LGALS16: variants seen among roughly 807,000 people sequenced by gnomAD.
LGALS16 encodes the protein galectin 16, also known as galectin-16.
Under a neutral mutation model 13.2 loss-of-function variants are expected in LGALS16, and 15 were observed. The observed-to-expected ratio is 1.13, with a 90% CI of 0.76 to 1.75. LGALS16 has a LOEUF of 1.75. LGALS16 is among the 40% of genes most tolerant of loss of function. The probability of loss-of-function intolerance (pLI) is 0.00; values close to 1 mark genes in which losing one functional copy is unlikely to be tolerated. For synonymous variants in LGALS16, 66 were observed against 65.4 expected, an observed-to-expected ratio of 1.01 and a Z score of -0.05; for missense variants, 198 against 178.4, an observed-to-expected ratio of 1.11 and a Z score of -0.63.
intron 3 of LGALS16, among the ~76,000 whole-genome samples, chr19:39,659,102 C>CTTTT (rs74178093): frequency 7.1e-6 from 1 of 140,804 alleles, no homozygotes; most frequent in Non-Finnish European, 1.5e-5. Context: ...AATCCTTTTT[C>CTTTT]TTTTTTTTTT....
intron 3 of LGALS16, among the ~76,000 whole-genome samples, chr19:39,659,093 A>T (rs1973231103): frequency 7.0e-6 from 1 of 143,392 alleles, no homozygotes. Flanking sequence ...TTCAGAGAGA[A>T]TCCTTTTTCT....
At chr19:39,659,661 G>A (rs1373737646) in intron 3 of LGALS16, among the ~76,000 whole-genome samples, 2 of 152,028 alleles carry the variant, frequency 1.3e-5, no homozygotes, top group African/African-American at 4.8e-5. Flanking sequence ...CTTACATTGC[G>A]ATATAATTAC....
rs773245237 is a variant in LGALS16 at position 39,658,460 on chromosome 19, C to T, written c.93C>T (p.Ile31=). Residue 31 remains isoleucine (I), a splice_region_variant and synonymous_variant, in exon 3 of 4, where the codon ATC becomes ATT. Coordinates refer to ENST00000392051, the MANE Select transcript of LGALS16 (RefSeq NM_001190441.3). ...IIKGTLIDSS[I]NEPQLQVDFY... ...AATATGCTGTGTGCTTTGCCCTCAG[C>T]AACGAACCACAGCTGCAGGTGGATT... 31 of 1,593,510 alleles carry T rather than the reference C, an allele frequency of 1.9e-5. No individual in the cohort carries two copies. Among genetic ancestry groups the T allele is most frequent in the Non-Finnish European group, 2.6e-5 (31 of 1,172,972 alleles).
chr19:39,657,073 G>A (rs868552673), intron 1 of LGALS16, among the ~76,000 whole-genome samples: 1 of 151,904 alleles, frequency 6.6e-6, no homozygotes, highest in Non-Finnish European at 1.5e-5. Context: ...GGCCAGTCTG[G>A]GTATCATAGT....
chr19:39,660,279 C>A, intron 3 of LGALS16, 116 bp from the exon 4 acceptor site: 1 of 987,690 alleles, frequency 1.0e-6, no homozygotes, highest in Non-Finnish European at 1.5e-6. Flanking sequence ...ACAACATTCG[C>A]TTGTATAACT....
rs755203001 is a variant in LGALS16 at position 39,660,423 on chromosome 19, C to T, written c.332C>T (p.Ala111Val). ...EVKVNGEYIY[A>V]FVHRIPPSYV... is the part of the protein sequence containing the mutation. ...AAGGTAAATGGTGAATACATTTATGCCTTTGTCCATCGAATCCCGCCATCA... is the reference window on the plus strand; with the variant it reads ...AAGGTAAATGGTGAATACATTTATGTCTTTGTCCATCGAATCCCGCCATCA... The change falls in exon 4 of 4, where the codon GCC (alanine) becomes GTC (valine). Residue 111 changes from alanine to valine, a missense_variant. Physicochemically the swap from Ala to Val is moderately conservative, Grantham distance 64. Transcript: ENST00000392051. 4.5e-6 allele frequency: 7 copies of T among 1,540,646 alleles called. No individual in the cohort carries two copies. The highest frequency in any genetic ancestry group is 2.4e-5 in the East Asian group (1 of 41,150).
At chr19:39,656,470 C>T (rs748850103) in intron 1 of LGALS16, among the ~76,000 whole-genome samples, 6 of 152,232 alleles carry the variant, frequency 3.9e-5, no homozygotes, top group African/African-American at 1.2e-4. Flanking sequence ...AGGGAAAACA[C>T]GCATGTGGCC....
chr19:39,659,778 T>C (rs527812766), intron 3 of LGALS16, among the ~76,000 whole-genome samples: 1 of 152,366 alleles, frequency 6.6e-6, no homozygotes, highest in Admixed American at 6.5e-5. Flanking sequence ...ACATCCATAC[T>C]TTCTTACTTT....
chr19:39,658,678 C>T lies in LGALS16; in HGVS notation c.303+8C>T. The stretch of plus-strand genomic sequence containing the variant: ...TGTCACAATGAGTATGAGGTGAGCA[C>T]CCCAGGAGCTCGCAGTACCCAGGCT... On this transcript the variant is annotated splice_region_variant and intron_variant, in intron 3 of 3. Coordinates refer to ENST00000392051, the MANE Select transcript of LGALS16 (RefSeq NM_001190441.3). 6.5e-7 allele frequency: 1 copy of T among 1,543,752 alleles called. No homozygotes were observed. The highest frequency in any genetic ancestry group is 1.2e-5 in the South Asian group (1 of 85,836).
intron 2 of LGALS16, 33 bp from the exon 3 acceptor site, chr19:39,658,427 A>T: frequency 6.5e-7 from 1 of 1,533,668 alleles, no homozygotes. Context: ...CAATGAAGGA[A>T]CCTGTCCAAT....
rs775437446 is a variant in LGALS16, at chr19:39,657,809, C to G, written c.16-74C>G. On this transcript the variant is annotated intron_variant, in intron 1 of 3. Coordinates refer to ENST00000392051, the MANE Select transcript of LGALS16 (RefSeq NM_001190441.3). ...GCCCTGTGATCTCTAACCTCCTGCACCATGGGAATATGTTACAGGAAGGGA... is the reference window on the plus strand; with the variant it reads ...GCCCTGTGATCTCTAACCTCCTGCAGCATGGGAATATGTTACAGGAAGGGA... The G allele has an allele frequency of 5.3e-6, 8 of 1,519,754 alleles. No individual in the cohort carries two copies. The Admixed American group carries it at 1.2e-4, about 22-fold the overall frequency. 94.1% of individuals were successfully genotyped at this position (1,519,754 alleles called of 1,614,324 possible).
Position 39,655,915 on chromosome 19 carries a change from T to A in LGALS16, c.-47T>A, listed in dbSNP as rs1401885172. On this transcript the variant is annotated 5_prime_UTR_variant, in exon 1 of 4. Coordinates refer to ENST00000392051, the MANE Select transcript of LGALS16 (RefSeq NM_001190441.3). ...TAAGTGCTGCAACTCAGAGATTCAC[T>A]CAGAAGACTGGACACAATTCCGAAG... is the stretch of plus-strand genomic sequence containing the variant. 2.5e-6 allele frequency: 4 copies of A among 1,610,098 alleles called. No individual in the cohort carries two copies. In the African/African-American group the frequency reaches 5.3e-5, roughly 22 times the overall value.
intron 1 of LGALS16, 66 bp downstream of exon 1, chr19:39,656,042 T>C: frequency 6.5e-7 from 1 of 1,530,974 alleles, no homozygotes; most frequent in Non-Finnish European, 9.0e-7. Flanking sequence ...ATGTGGGGTA[T>C]TTTATGAGAT....
chr19:39,657,805 T>A (rs189130937), intron 1 of LGALS16, 78 bp from the exon 2 acceptor site: 790 of 1,523,038 alleles, frequency 5.2e-4, no homozygotes, highest in Non-Finnish European at 6.7e-4. Context: ...TCTAACCTCC[T>A]GCACCATGGG....
At chr19:39,656,793 C>G (rs1394145158) in intron 1 of LGALS16, among the ~76,000 whole-genome samples, 2 of 152,006 alleles carry the variant, frequency 1.3e-5, no homozygotes, top group East Asian at 3.9e-4. Context: ...CTATCCTGTC[C>G]TTTTCATTGT....
At chr19:39,658,855 A>G (rs1335606631) in intron 3 of LGALS16, among the ~76,000 whole-genome samples, 185 bp downstream of exon 3, 1 of 152,122 alleles carries the variant, frequency 6.6e-6, no homozygotes, top group African/African-American at 2.4e-5. Context: ...AAATCTGACC[A>G]AGGTCAAGGT....
Position 39,660,524 on chromosome 19 carries a change from C to T in LGALS16, c.*4C>T, listed in dbSNP as rs1240457890. 6.5e-7 allele frequency: 1 copy of T among 1,549,908 alleles called. No homozygotes were observed. The highest frequency in any genetic ancestry group is 2.4e-5 in the East Asian group (1 of 42,344). On this transcript the variant is annotated 3_prime_UTR_variant, in exon 4 of 4. Coordinates refer to ENST00000392051, the MANE Select transcript of LGALS16 (RefSeq NM_001190441.3). ...TGTCAACAATGGACGGAGATGATCA[C>T]ACTCCTCATTGTTGAGGAAACCCTC...
chr19:39,656,909 TCCTC>T (rs1202557410), intron 1 of LGALS16, among the ~76,000 whole-genome samples: 6 of 151,846 alleles, frequency 4.0e-5, no homozygotes, highest in Non-Finnish European at 5.9e-5. Flanking sequence ...CTAAACTTGT[TCCTC>T]CACCCATGAA....
intron 3 of LGALS16, among the ~76,000 whole-genome samples, chr19:39,660,158 A>G (rs1973243224): frequency 6.6e-6 from 1 of 152,204 alleles, no homozygotes; most frequent in Admixed American, 6.5e-5. Context: ...ATAAACAGGG[A>G]CTGTGTGACA....
Sources: gnomAD v4.1 joint callset for allele counts (sites outside exome capture counted in the v4.1 genomes callset) on GRCh38, gnomAD v4.1.1 for gene constraint, MANE v1.5 for transcripts, NCBI Gene and HGNC (gene_info 2026-07-23, HGNC 2026-07-21) for gene names.